The following PPARG variants were observed in gnomAD, a reference collection of about 807,000 sequenced individuals.
PPARG encodes the protein peroxisome proliferator activated receptor gamma.
Under a neutral mutation model 39.2 loss-of-function variants are expected in PPARG, and 17 were observed. That is an observed-to-expected ratio of 0.43 (90% CI 0.30 to 0.65). PPARG has a LOEUF of 0.65. Ranked by LOEUF, PPARG falls within the 30% of genes least tolerant of loss-of-function variation. The pLI is 0.13. For synonymous variants in PPARG, 223 were observed against 215.7 expected, an observed-to-expected ratio of 1.03 and a Z score of -0.30; for missense variants, 406 against 585.9, an observed-to-expected ratio of 0.69 and a Z score of 3.17.
intron 2 of PPARG, among the ~76,000 whole-genome samples, chr3:12,374,656 G>A (rs1358384109): frequency 6.6e-6 from 1 of 152,036 alleles, no homozygotes; most frequent in South Asian, 2.1e-4. Context: ...AGCAAACCTT[G>A]ATGTAAATCA....
chr3:12,379,856 G>A lies in PPARG; in HGVS notation c.145G>A (p.Glu49Lys), dbSNP rs777334819. The change falls in exon 3 of 8, where the codon GAA becomes AAA. Residue 49 changes from glutamate (E) to lysine (K), a missense_variant. Glu to Lys is a moderately conservative substitution (Grantham distance 56, BLOSUM62 1). Around this residue, in one of 2 missense-constraint regions of PPARG, gnomAD observed 131 missense variants for 127.9 expected, o/e 1.02. Transcript: ENST00000651735. ...DFSSISTPHYEDIPFTRTDPV... is the reference protein window; with the variant it reads ...DFSSISTPHYKDIPFTRTDPV... ...CTCCAGCATTTCTACTCCACATTAC[G>A]AAGACATTCCATTCACAAGAACAGA... 6.0e-5 allele frequency: 97 copies of A among 1,613,718 alleles called. No homozygotes were observed. Among genetic ancestry groups the A allele is most frequent in the Non-Finnish European group, 8.1e-5 (96 of 1,179,828 alleles).
chr3:12,350,270 T>C (rs554589937), intron 2 of PPARG, among the ~76,000 whole-genome samples: 1 of 152,312 alleles, frequency 6.6e-6, no homozygotes, highest in South Asian at 2.1e-4. Context: ...TAAAGATGTT[T>C]TGGGGCTTAA....
chr3:12,398,843 C>T (rs1227256713), intron 5 of PPARG, among the ~76,000 whole-genome samples: 1 of 152,156 alleles, frequency 6.6e-6, no homozygotes, highest in African/African-American at 2.4e-5. Context: ...TTTGGTAAAT[C>T]CCAGTGAGCG....
chr3:12,345,478 G>A (rs1270440747), intron 2 of PPARG, among the ~76,000 whole-genome samples: 2 of 152,094 alleles, frequency 1.3e-5, no homozygotes, highest in Non-Finnish European at 2.9e-5. Context: ...TTGACCTGAA[G>A]AACTGATTTG....
At chr3:12,297,834 T>C (rs1472277186) in intron 1 of PPARG, 3 of 152,108 alleles carry the variant, frequency 2.0e-5, no homozygotes, top group Admixed American at 6.5e-5. Context: ...TCTATTATGT[T>C]CCTTTTTTTC....
Position 12,351,730 on chromosome 3 carries a change from A to G in PPARG, c.-8-27974A>G, listed in dbSNP as rs1191382095. 22 of 1,368,656 alleles carry G rather than the reference A, an allele frequency of 1.6e-5. 1 individual carries two copies. The East Asian group carries it at 4.1e-4, about 26-fold the overall frequency. The allele number at this position is 1,368,656 out of a possible 1,614,324, so 84.8% of individuals were successfully genotyped here. ...GACGTGGGGGCATTTATGTAAGGGT[A>G]AAATTGCTCTTGTAGTTTGTCTTCC... is the stretch of plus-strand genomic sequence containing the variant. On this transcript the variant is annotated intron_variant, in intron 2 of 7. Transcript: ENST00000651735.
rs759800106 is a variant in PPARG at position 12,406,066 on chromosome 3, G to A, written c.714G>A (p.Lys238=). 3.1e-6 allele frequency: 5 copies of A among 1,614,092 alleles called. No homozygotes were observed. Among genetic ancestry groups the A allele is most frequent in the Non-Finnish European group, 2.5e-6 (3 of 1,179,990 alleles). Residue 238 remains lysine, a synonymous_variant, in exon 6 of 8, where the codon AAG becomes AAA. Coordinates refer to ENST00000651735, the MANE Select transcript of PPARG (RefSeq NM_138711.6). ...KAKARAILTG[K]TTDKSPFVIY... ...AGGCGAGGGCGATCTTGACAGGAAA[G>A]ACAACAGACAAATCAGTTAGTTCTC...
At chr3:12,310,292 C>T (rs1353219682) in intron 1 of PPARG, among the ~76,000 whole-genome samples, 3 of 152,108 alleles carry the variant, frequency 2.0e-5, no homozygotes, top group Non-Finnish European at 2.9e-5. Flanking sequence ...TGCCCATCTA[C>T]TTCTGAAGAA....
chr3:12,387,590 T>G (rs1435231728), intron 4 of PPARG, among the ~76,000 whole-genome samples: 3 of 152,208 alleles, frequency 2.0e-5, no homozygotes, highest in Non-Finnish European at 4.4e-5. Context: ...TAAATTTGTT[T>G]AAGTTCTTTG....
At chr3:12,410,660 T>C (rs1381284067) in intron 6 of PPARG, among the ~76,000 whole-genome samples, 7 of 152,132 alleles carry the variant, frequency 4.6e-5, no homozygotes, top group African/African-American at 1.4e-4. Flanking sequence ...ACTGGTGCCA[T>C]TGGAAAAAAT....
intron 7 of PPARG, among the ~76,000 whole-genome samples, chr3:12,424,340 CT>C (rs2125303179): frequency 6.6e-6 from 1 of 152,246 alleles, no homozygotes; most frequent in South Asian, 2.1e-4. Flanking sequence ...AATAAAATCC[CT>C]TCCCCAGCCC....
intron 7 of PPARG, among the ~76,000 whole-genome samples, chr3:12,420,738 GT>G (rs1274484869): frequency 5.3e-5 from 8 of 152,212 alleles, no homozygotes; most frequent in Non-Finnish European, 1.0e-4. Flanking sequence ...GGAAACTGGA[GT>G]TGCTACCTAA....
chr3:12,424,647 A>G (rs1221133518), intron 7 of PPARG, among the ~76,000 whole-genome samples: 1 of 152,168 alleles, frequency 6.6e-6, no homozygotes, highest in Non-Finnish European at 1.5e-5. Flanking sequence ...CACTGGTTCA[A>G]ATCACTCCTA....
At chr3:12,362,514 G>A (rs909602580) in intron 2 of PPARG, among the ~76,000 whole-genome samples, 28 of 148,774 alleles carry the variant, frequency 1.9e-4, no homozygotes, top group African/African-American at 5.7e-4. Flanking sequence ...GTGAGACTTC[G>A]TCTCAAAAAT....
chr3:12,340,286 T>C (rs1185673222), intron 2 of PPARG, among the ~76,000 whole-genome samples: 2 of 152,228 alleles, frequency 1.3e-5, no homozygotes. Flanking sequence ...TTCCGTCTTC[T>C]CATTTCAATG....
At chr3:12,428,417 A>G (rs1341799207) in intron 7 of PPARG, among the ~76,000 whole-genome samples, 2 of 152,230 alleles carry the variant, frequency 1.3e-5, no homozygotes, top group Admixed American at 1.3e-4. Flanking sequence ...GGGCCTTCTA[A>G]GCAGCCTACC....
At chr3:12,332,680 G>C (rs185718816) in intron 2 of PPARG, among the ~76,000 whole-genome samples, 26 of 152,150 alleles carry the variant, frequency 1.7e-4, no homozygotes, top group Non-Finnish European at 3.1e-4. Context: ...TCCATATATA[G>C]GGCAGTGATT....
intron 5 of PPARG, among the ~76,000 whole-genome samples, chr3:12,398,138 C>A (rs2050333642): frequency 3.4e-5 from 5 of 148,852 alleles, no homozygotes; most frequent in Admixed American, 6.7e-5. Flanking sequence ...CCTTAAAAAG[C>A]AAGAGAGTGA....
At chr3:12,287,821 C>T (rs2046541957), upstream of PPARG, 3 of 103,532 alleles carry the variant, frequency 2.9e-5, no homozygotes, top group South Asian at 8.6e-4. Context: ...CCCCCGCCCC[C>T]ACCCCCACCC....
Sources: gnomAD v4.1 joint callset for allele counts (sites outside exome capture counted in the v4.1 genomes callset) on GRCh38, gnomAD v4.1.1 for gene constraint, gnomAD v4.1.1 regional missense constraint, MANE v1.5 for transcripts, NCBI Gene and HGNC (gene_info 2026-07-23, HGNC 2026-07-21) for gene names.